The following IL22RA2 variants were observed in gnomAD, a reference collection of about 807,000 sequenced individuals.
IL22RA2 encodes the protein interleukin-22 receptor subunit alpha-2.
A neutral mutation model predicts 30.7 loss-of-function variants in IL22RA2; 39 were observed. The observed-to-expected ratio is 1.27, with a 90% CI of 0.98 to 1.66. The LOEUF is 1.66. Ranked by LOEUF, IL22RA2 falls within the 40% of genes most tolerant of loss-of-function variation. IL22RA2 has a pLI of 0.00. For synonymous variants in IL22RA2, 103 were observed against 105.0 expected, an observed-to-expected ratio of 0.98 and a Z score of 0.11; for missense variants, 315 against 312.7, an observed-to-expected ratio of 1.01 and a Z score of -0.05.
rs1778136871 is a variant in IL22RA2, at chr6:137,144,649, A to G, written c.*975T>C. 1 of 152,096 alleles carries G rather than the reference A, an allele frequency of 6.6e-6. No individual in the cohort carries two copies. The highest frequency in any genetic ancestry group is 1.5e-5 in the Non-Finnish European group (1 of 68,114). The allele number at this position is 152,096 out of a possible 1,614,324, so 9.4% of individuals were successfully genotyped here. A position where few individuals can be genotyped will look rare whatever the true frequency, so the allele number is the denominator to read the frequency against. On this transcript the variant is annotated 3_prime_UTR_variant, in exon 7 of 7. Coordinates refer to ENST00000296980, the MANE Select transcript of IL22RA2 (RefSeq NM_052962.3). ...AACACCGGTCCTTCTCCTGCTACCC[A>G]CTGTGTGCTTCCAGCTTCAAGCTGA...
At chr6:137,146,430 G>A (rs778021336) in intron 6 of IL22RA2, among the ~76,000 whole-genome samples, 1 of 152,126 alleles carries the variant, frequency 6.6e-6, no homozygotes, top group Admixed American at 6.6e-5. Context: ...GAGACAGAAA[G>A]TCTGAGAGAC....
At chr6:137,166,918 A>G (rs1778637013) in intron 1 of IL22RA2, among the ~76,000 whole-genome samples, 1 of 152,172 alleles carries the variant, frequency 6.6e-6, no homozygotes, top group Non-Finnish European at 1.5e-5. Flanking sequence ...GGATTCAAGA[A>G]ACTGGAGCTA....
At position 137,155,178 on chromosome 6, in the gene IL22RA2, T is replaced by C. The variant is rs553483740; in HGVS notation, c.294-59A>G. ...TTTTCTCCACTCAAGGAGTCTTCAG[T>C]ATTTTCAGACTAATAATTTTTTATA... On this transcript the variant is annotated intron_variant, in intron 4 of 6. Coordinates refer to ENST00000296980, the MANE Select transcript of IL22RA2 (RefSeq NM_052962.3). 252 of 1,288,244 alleles carry C rather than the reference T, an allele frequency of 2.0e-4. 3 individuals carry two copies. In the South Asian group the frequency reaches 3.7e-3, roughly 19 times the overall value. 79.8% of individuals were successfully genotyped at this position (1,288,244 alleles called of 1,614,324 possible).
intron 6 of IL22RA2, among the ~76,000 whole-genome samples, chr6:137,146,762 G>A (rs1778188433): frequency 6.6e-6 from 1 of 152,154 alleles, no homozygotes; most frequent in Non-Finnish European, 1.5e-5. Context: ...GGAGGCCAAG[G>A]CAGGCAGATC....
intron 5 of IL22RA2, among the ~76,000 whole-genome samples, chr6:137,150,715 C>T (rs570060893): frequency 9.2e-5 from 14 of 152,264 alleles, no homozygotes; most frequent in South Asian, 4.1e-4. Flanking sequence ...TCACACTGAT[C>T]TGTGAATTCC....
intron 1 of IL22RA2, among the ~76,000 whole-genome samples, chr6:137,167,466 G>A (rs1285134910): frequency 6.6e-6 from 1 of 152,220 alleles, no homozygotes; most frequent in African/African-American, 2.4e-5. Context: ...GCAAGCCTTA[G>A]GTGAGGTCTC....
Position 137,155,086 on chromosome 6 carries a change from GTCT to G in IL22RA2, c.324_326del (p.Glu108del), listed in dbSNP as rs772107573. 1 of 1,599,004 alleles carries G rather than the reference GTCT, an allele frequency of 6.3e-7. No individual in the cohort carries two copies. The highest frequency in any genetic ancestry group is 1.7e-5 in the Admixed American group (1 of 57,348). ...AAGAGAGTTCTTGAGTACCCCAACA[GTCT>G]TCTTTATTTTTCCATTGTCTCTGTC... On this transcript the variant is annotated inframe_deletion, in exon 5 of 7. Transcript: ENST00000296980.
At chr6:137,154,857 C>T (rs1778365402) in intron 5 of IL22RA2, 84 bp downstream of exon 5, 2 of 1,161,840 alleles carry the variant, frequency 1.7e-6, no homozygotes, top group Admixed American at 1.7e-5. Flanking sequence ...CTCAGCAAAG[C>T]ACAAGGCCTA....
At position 137,144,619 on chromosome 6, in the gene IL22RA2, C is replaced by A; in HGVS notation, c.*1005G>T. The A allele has an allele frequency of 6.6e-6, 1 of 152,376 alleles. No individual in the cohort carries two copies. Among genetic ancestry groups the A allele is most frequent in the East Asian group, 1.9e-4 (1 of 5,194 alleles). The allele number at this position is 152,376 out of a possible 1,614,324, so 9.4% of individuals were successfully genotyped here. On this transcript the variant is annotated 3_prime_UTR_variant, in exon 7 of 7. Transcript: ENST00000296980. The stretch of plus-strand genomic sequence containing the variant: ...CTAGCTCTATAGTCTCTGTAGGCAC[C>A]TACCAACACCGGTCCTTCTCCTGCT...
intron 4 of IL22RA2, among the ~76,000 whole-genome samples, chr6:137,156,075 G>A (rs1367860108): frequency 6.6e-6 from 1 of 152,114 alleles, no homozygotes; most frequent in Non-Finnish European, 1.5e-5. Flanking sequence ...ACTATATATG[G>A]AGCCCTGTAA....
chr6:137,153,675 G>A (rs1050599294), intron 5 of IL22RA2, among the ~76,000 whole-genome samples: 2 of 152,170 alleles, frequency 1.3e-5, no homozygotes, highest in Non-Finnish European at 2.9e-5. Context: ...ATATTGTCTA[G>A]GGTGATTCAT....
chr6:137,165,705 G>A lies in IL22RA2; in HGVS notation c.-65-3891C>T, dbSNP rs528688199. The stretch of plus-strand genomic sequence containing the variant: ...GCCAAATTTTCCGGTGCCCTTGTTA[G>A]GAAGAGATTTCCTCCAGAAATTGCA... On this transcript the variant is annotated intron_variant, in intron 1 of 6. Coordinates refer to ENST00000296980, the MANE Select transcript of IL22RA2 (RefSeq NM_052962.3). Among the ~76,000 whole-genome samples, 20 of 152,266 alleles carry A rather than the reference G, an allele frequency of 1.3e-4. 1 individual carries two copies. Among genetic ancestry groups the A allele is most frequent in the Admixed American group, 3.9e-4 (6 of 15,300 alleles).
At chr6:137,151,399 C>T (rs1778288523) in intron 5 of IL22RA2, among the ~76,000 whole-genome samples, 1 of 152,122 alleles carries the variant, frequency 6.6e-6, no homozygotes. Context: ...ACACCACATA[C>T]AAAAATTAAC....
chr6:137,170,353 C>T (rs1778708104), intron 1 of IL22RA2, among the ~76,000 whole-genome samples: 1 of 152,164 alleles, frequency 6.6e-6, no homozygotes, highest in South Asian at 2.1e-4. Flanking sequence ...CCCTGCCTTA[C>T]ATTCACGTTA....
intron 6 of IL22RA2, among the ~76,000 whole-genome samples, chr6:137,147,276 C>A (rs1034700770): frequency 6.0e-5 from 9 of 148,836 alleles, no homozygotes; most frequent in South Asian, 2.1e-4. Flanking sequence ...GAAGGAGGAC[C>A]ACTTAAGCCC....
intron 5 of IL22RA2, among the ~76,000 whole-genome samples, chr6:137,149,243 G>A (rs1562268125): frequency 6.6e-6 from 1 of 152,150 alleles, no homozygotes; most frequent in African/African-American, 2.4e-5. Context: ...TGTACTGTAT[G>A]CATGAAATGA....
intron 5 of IL22RA2, among the ~76,000 whole-genome samples, chr6:137,149,448 T>C (rs1013264045): frequency 6.6e-6 from 1 of 152,196 alleles, no homozygotes; most frequent in African/African-American, 2.4e-5. Context: ...TTCATCTAAT[T>C]ATGCATGCAA....
chr6:137,151,556 G>A (rs1778291312), intron 5 of IL22RA2, among the ~76,000 whole-genome samples: 2 of 152,134 alleles, frequency 1.3e-5, no homozygotes, highest in African/African-American at 2.4e-5. Context: ...AAATAAATTG[G>A]ATTTCATCCA....
chr6:137,161,768 TC>T lies in IL22RA2; in HGVS notation c.-20del. 1 of 1,608,326 alleles carries T rather than the reference TC, an allele frequency of 6.2e-7. No homozygotes were observed. The highest frequency in any genetic ancestry group is 8.5e-7 in the Non-Finnish European group (1 of 1,175,530). On this transcript the variant is annotated 5_prime_UTR_variant, in exon 2 of 7. Transcript: ENST00000296980. ...GCATCATGGTTGCAAGTGTGACTGT[TC>T]AGGCAACCAGTGTTCCTTTTAACCA...
Sources: gnomAD v4.1 joint callset for allele counts (sites outside exome capture counted in the v4.1 genomes callset) on GRCh38, gnomAD v4.1.1 for gene constraint, MANE v1.5 for transcripts, NCBI Gene and HGNC (gene_info 2026-07-23, HGNC 2026-07-21) for gene names.